The following TMEM200A variants were observed in gnomAD, a reference collection of about 807,000 sequenced individuals.
TMEM200A encodes two transmembrane C.
A neutral mutation model predicts 24.3 loss-of-function variants in TMEM200A; 12 were observed. That is an observed-to-expected ratio of 0.49 (90% CI 0.32 to 0.80). TMEM200A has a LOEUF of 0.80. Among genes scored for constraint, TMEM200A ranks in the 30% least tolerant of loss-of-function variants. TMEM200A has a pLI of 0.04. For missense variants in TMEM200A, 545 were observed against 614.4 expected, an observed-to-expected ratio of 0.89 and a Z score of 1.19; for synonymous variants, 224 against 224.4, an observed-to-expected ratio of 1.00 and a Z score of 0.02.
intron 2 of TMEM200A, among the ~76,000 whole-genome samples, chr6:130,430,949 C>T (rs1012193434): frequency 2.0e-5 from 3 of 152,134 alleles, no homozygotes; most frequent in African/African-American, 7.2e-5. Flanking sequence ...TAGTCTGTGG[C>T]TTAAAAGATG....
At position 130,442,997 on chromosome 6, in the gene TMEM200A, A is replaced by C. The variant is rs375054790; in HGVS notation, c.*1099A>C. 3 of 166,960 alleles carry C rather than the reference A, an allele frequency of 1.8e-5. No homozygotes were observed. The highest frequency in any genetic ancestry group is 7.2e-5 in the African/African-American group (3 of 41,444). 10.3% of individuals were successfully genotyped at this position (166,960 alleles called of 1,614,324 possible). ...CAAAGACTTTCTTACGGTATAATAC[A>C]TGTTGTTTAGGATTGTGTTTCTTAG... is the stretch of plus-strand genomic sequence containing the variant. On this transcript the variant is annotated 3_prime_UTR_variant, in exon 3 of 3. Transcript: ENST00000296978.
At chr6:130,415,938 A>T (rs576723702) in intron 2 of TMEM200A, among the ~76,000 whole-genome samples, 1 of 152,302 alleles carries the variant, frequency 6.6e-6, no homozygotes, top group East Asian at 1.9e-4. Flanking sequence ...TGTTTTATAT[A>T]CCAAATATTT....
intron 2 of TMEM200A, among the ~76,000 whole-genome samples, chr6:130,428,110 G>C (rs1779791546): frequency 6.6e-6 from 1 of 151,988 alleles, no homozygotes; most frequent in African/African-American, 2.4e-5. Flanking sequence ...CATTCTTTCT[G>C]ATTTTTGTTA....
chr6:130,397,586 C>T (rs951565194), intron 2 of TMEM200A, among the ~76,000 whole-genome samples: 1 of 151,456 alleles, frequency 6.6e-6, no homozygotes, highest in African/African-American at 2.4e-5. Context: ...TTTTTCCATT[C>T]TTTTACTTTG....
intron 2 of TMEM200A, among the ~76,000 whole-genome samples, chr6:130,409,332 G>A (rs1779280448): frequency 6.6e-6 from 1 of 152,094 alleles, no homozygotes; most frequent in African/African-American, 2.4e-5. Context: ...CCCTTTGAAT[G>A]AGCATGCCTC....
intron 2 of TMEM200A, among the ~76,000 whole-genome samples, chr6:130,400,801 T>C (rs983378507): frequency 3.3e-5 from 5 of 152,076 alleles, no homozygotes; most frequent in Non-Finnish European, 7.4e-5. Flanking sequence ...TGCCTCTTTT[T>C]GACATAATTG....
intron 2 of TMEM200A, among the ~76,000 whole-genome samples, chr6:130,396,289 G>A (rs1437013268): frequency 1.3e-5 from 2 of 150,528 alleles, no homozygotes; most frequent in Non-Finnish European, 3.0e-5. Context: ...TTTTATTTAT[G>A]TATTTTTGTT....
chr6:130,441,433 C>T lies in TMEM200A; in HGVS notation c.1011C>T (p.Ser337=), dbSNP rs1435968397. The T allele has an allele frequency of 1.9e-6, 3 of 1,614,086 alleles. No homozygotes were observed. Among genetic ancestry groups the T allele is most frequent in the Non-Finnish European group, 1.7e-6 (2 of 1,179,986 alleles). ...LVVPLPNTSE[S]FQPVSTVLPR... Reference sequence around the variant, plus strand: ...TTCCTTTGCCCAACACCAGTGAATCCTTCCAGCCCGTCAGCACAGTGCTAC... The same window carrying T: ...TTCCTTTGCCCAACACCAGTGAATCTTTCCAGCCCGTCAGCACAGTGCTAC... Residue 337 remains serine (S), a synonymous_variant, in exon 3 of 3, where the codon TCC becomes TCT. Coordinates refer to ENST00000296978, the MANE Select transcript of TMEM200A (RefSeq NM_001258277.2).
intron 2 of TMEM200A, among the ~76,000 whole-genome samples, chr6:130,412,896 G>GTGAAGATACATA (rs1434822112): frequency 6.6e-5 from 10 of 152,206 alleles, no homozygotes; most frequent in African/African-American, 9.7e-5. Flanking sequence ...ATTTTTTAAT[G>GTGAAGATACATA]TGAAGATACA....
At chr6:130,412,021 A>G (rs756979247) in intron 2 of TMEM200A, among the ~76,000 whole-genome samples, 43 of 150,900 alleles carry the variant, frequency 2.8e-4, no homozygotes, top group Non-Finnish European at 5.6e-4. Flanking sequence ...TTGATGCTCA[A>G]TTATCCCATA....
At chr6:130,385,258 C>G (rs1276201182) in intron 2 of TMEM200A, 22 bp downstream of exon 2, 1 of 152,158 alleles carries the variant, frequency 6.6e-6, no homozygotes, top group East Asian at 1.9e-4. Flanking sequence ...CAGGGAATGA[C>G]GTCAGGGACC....
intron 2 of TMEM200A, among the ~76,000 whole-genome samples, chr6:130,400,438 T>C (rs1169690063): frequency 1.3e-5 from 2 of 151,902 alleles, no homozygotes; most frequent in Non-Finnish European, 2.9e-5. Context: ...TTTTTAATTA[T>C]CTCCAGTTCT....
At chr6:130,365,601 G>A (rs1330903715), upstream of TMEM200A, 2 of 985,460 alleles carry the variant, frequency 2.0e-6, no homozygotes, top group East Asian at 1.1e-4. Context: ...CGGAGAACTG[G>A]GGGAGCCGGG....
At chr6:130,402,909 A>G (rs17058917) in intron 2 of TMEM200A, among the ~76,000 whole-genome samples, 8,424 of 152,156 alleles carry the variant, frequency 0.055, 776 homozygotes, top group African/African-American at 0.19. Context: ...TCTTTATGTT[A>G]TCTACATGTA....
intron 2 of TMEM200A, among the ~76,000 whole-genome samples, chr6:130,412,087 C>T (rs1426953438): frequency 7.2e-6 from 1 of 138,638 alleles, no homozygotes; most frequent in Non-Finnish European, 1.5e-5. Context: ...ATTTGTTGAA[C>T]GTTTCCTTGG....
chr6:130,392,762 AG>A (rs1377015904), intron 2 of TMEM200A, among the ~76,000 whole-genome samples: 1 of 152,170 alleles, frequency 6.6e-6, no homozygotes, highest in Admixed American at 6.6e-5. Flanking sequence ...CCCTTCCCTG[AG>A]ATCACTGCTA....
At chr6:130,413,538 T>G (rs1194124814) in intron 2 of TMEM200A, among the ~76,000 whole-genome samples, 1 of 152,148 alleles carries the variant, frequency 6.6e-6, no homozygotes, top group Admixed American at 6.5e-5. Flanking sequence ...ATCTGGAAAT[T>G]CCCTTGATTC....
chr6:130,402,339 G>A (rs293339), intron 2 of TMEM200A, among the ~76,000 whole-genome samples: 9,706 of 152,002 alleles, frequency 0.064, 390 homozygotes, highest in Non-Finnish European at 0.086. Flanking sequence ...ATGGAAAATG[G>A]GAATCAGTTG....
At chr6:130,419,603 G>T (rs1779535300) in intron 2 of TMEM200A, among the ~76,000 whole-genome samples, 1 of 151,978 alleles carries the variant, frequency 6.6e-6, no homozygotes, top group African/African-American at 2.4e-5. Flanking sequence ...TCTAGATGTG[G>T]GCAATTTCTG....
Sources: gnomAD v4.1 joint callset for allele counts (sites outside exome capture counted in the v4.1 genomes callset) on GRCh38, gnomAD v4.1.1 for gene constraint, MANE v1.5 for transcripts, NCBI Gene and HGNC (gene_info 2026-07-23, HGNC 2026-07-21) for gene names.